Variants in WNK1 observed in about 807,000 individuals in gnomAD.
The protein encoded by WNK1 is serine/threonine-protein kinase WNK1.
Under a neutral mutation model 222.8 loss-of-function variants are expected in WNK1, and 38 were observed. The ratio of observed to expected loss-of-function variants is 0.17; its 90% CI spans 0.13 to 0.22. The LOEUF is 0.22. Ranked by LOEUF, WNK1 falls within the 10% of genes least tolerant of loss-of-function variation. The pLI is 1.00. For missense variants in WNK1, 2,348 were observed against 2,918.4 expected (o/e 0.80, Z 4.50); for synonymous variants, 1,090 against 1,092.9 (o/e 1.00, Z 0.05).
Position 814,820 on chromosome 12 carries a change from T to G in WNK1, c.932+1006T>G, listed in dbSNP as rs182050275. Among the ~76,000 whole-genome samples, 15 of 152,288 alleles carry G rather than the reference T, an allele frequency of 9.8e-5. 1 individual carries two copies. The highest frequency in any genetic ancestry group is 3.1e-4 in the African/African-American group (13 of 41,550). On this transcript the variant is annotated intron_variant, in intron 2 of 27. Coordinates refer to ENST00000315939, the MANE Select transcript of WNK1 (RefSeq NM_018979.4). ...CACTCTATTTCTATTATTATTACAT[T>G]AAAATATATAATGAAATAGTTATAC...
At chr12:817,237 TGAGGCAGAG>T (rs752499699) in intron 2 of WNK1, among the ~76,000 whole-genome samples, 1 of 152,168 alleles carries the variant, frequency 6.6e-6, no homozygotes, top group Non-Finnish European at 1.5e-5. Flanking sequence ...CTCTGGAGGC[TGAGGCAGAG>T]AATCACTTGA....
At chr12:831,537 C>CA (rs765971109) in intron 4 of WNK1, among the ~76,000 whole-genome samples, 1,232 of 108,890 alleles carry the variant, frequency 0.011, 7 homozygotes, top group African/African-American at 0.017. Flanking sequence ...GACTCTGTCT[C>CA]AAAAAAAAAA....
Position 889,142 on chromosome 12 carries a change from C to G in WNK1, c.5367C>G (p.Ser1789=). The G allele has an allele frequency of 6.2e-7, 1 of 1,613,884 alleles. No homozygotes were observed. The highest frequency in any genetic ancestry group is 8.5e-7 in the Non-Finnish European group (1 of 1,179,888). ...TTACTGTGATTGTTTTCATTCAGTC[C>G]CAGCAACCTCTAGAGGATCTTGATG... ...PPFPGPSLTQ[S]QQPLEDLDAQ... Residue 1789 remains serine, a splice_region_variant and synonymous_variant, in exon 21 of 28, where the codon TCC becomes TCG. Transcript: ENST00000315939.
At chr12:795,296 G>GTTTTTTTTTTTTTTTTTTTTT in intron 1 of WNK1, among the ~76,000 whole-genome samples, 1 of 133,022 alleles carries the variant, frequency 7.5e-6, no homozygotes, top group Non-Finnish European at 1.6e-5. Flanking sequence ...ATTTTCCGTT[G>GTTTTTTTTTTTTTTTTTTTTT]TTTTTTTTTT....
chr12:901,008 A>C, intron 26 of WNK1: 2 of 382,156 alleles, frequency 5.2e-6, no homozygotes. Context: ...CAGTTTCTGA[A>C]GCTAATACAT....
At chr12:905,092 TG>T (rs778715259) in intron 26 of WNK1, among the ~76,000 whole-genome samples, 9 of 152,118 alleles carry the variant, frequency 5.9e-5, no homozygotes, top group Non-Finnish European at 1.0e-4. Context: ...ATAGGGGAAA[TG>T]TATTATAATG....
intron 4 of WNK1, among the ~76,000 whole-genome samples, chr12:833,141 A>G (rs371926878): frequency 2.0e-5 from 3 of 151,862 alleles, no homozygotes; most frequent in African/African-American, 7.3e-5. Context: ...TGCTTCCACT[A>G]CTTCCAGTTT....
intron 19 of WNK1, among the ~76,000 whole-genome samples, chr12:886,784 T>C (rs1953703263): frequency 6.6e-6 from 1 of 152,216 alleles, no homozygotes; most frequent in African/African-American, 2.4e-5. Context: ...ATAATAGTAT[T>C]AGATTTCTGA....
rs760095649 is a variant in WNK1 at position 907,920 on chromosome 12, G to A, written c.6717G>A (p.Thr2239=). The A allele has an allele frequency of 8.1e-6, 13 of 1,614,186 alleles. No homozygotes were observed. Among genetic ancestry groups the A allele is most frequent in the Admixed American group, 3.3e-5 (2 of 60,022 alleles). The change falls in exon 27 of 28, where the codon ACG becomes ACA. Residue 2239 remains threonine, a synonymous_variant. Coordinates refer to ENST00000315939, the MANE Select transcript of WNK1 (RefSeq NM_018979.4). ...QAAQAQPPAM[T]SSRKGTFTDD... ...CCCAAGCTCAGCCTCCTGCCATGAC[G>A]TCCAGCAGGAAGGGCACATTCACAG...
chr12:894,407 A>G (rs1954560770), intron 22 of WNK1, among the ~76,000 whole-genome samples, 155 bp from the exon 23 acceptor site: 1 of 152,204 alleles, frequency 6.6e-6, no homozygotes, highest in African/African-American at 2.4e-5. Flanking sequence ...CCCCTGTTGG[A>G]CAGAGCCTCA....
At chr12:842,923 TTTTATTTA>T (rs552343199) in intron 4 of WNK1, among the ~76,000 whole-genome samples, 3 of 151,740 alleles carry the variant, frequency 2.0e-5, no homozygotes, top group Non-Finnish European at 2.9e-5. Flanking sequence ...ACTCAAGTGA[TTTTATTTA>T]TTTATTTATT....
At chr12:794,517 T>A (rs1045246304) in intron 1 of WNK1, among the ~76,000 whole-genome samples, 1 of 152,002 alleles carries the variant, frequency 6.6e-6, no homozygotes, top group Non-Finnish European at 1.5e-5. Flanking sequence ...TTTTTTTTTT[T>A]AAATGAAAGG....
chr12:837,696 G>A (rs911282992), intron 4 of WNK1, among the ~76,000 whole-genome samples: 4 of 151,956 alleles, frequency 2.6e-5, no homozygotes, highest in Non-Finnish European at 5.9e-5. Context: ...TTGTCTACCT[G>A]TTAAGTTAGG....
At chr12:845,311 G>A (rs757613756) in intron 4 of WNK1, among the ~76,000 whole-genome samples, 4 of 152,142 alleles carry the variant, frequency 2.6e-5, no homozygotes, top group Admixed American at 2.0e-4. Context: ...AGAAACATGC[G>A]TGGTTATCCA....
At chr12:847,801 C>T (rs115365616) in intron 4 of WNK1, among the ~76,000 whole-genome samples, 228 of 68,692 alleles carry the variant, frequency 3.3e-3, no homozygotes, top group Admixed American at 3.9e-3. Flanking sequence ...GATTAATTCT[C>T]TTTTTTTTTT....
chr12:881,789 G>C lies in WNK1; in HGVS notation c.3209G>C (p.Ser1070Thr), dbSNP rs760251215. The C allele has an allele frequency of 3.1e-6, 5 of 1,614,036 alleles. No individual in the cohort carries two copies. The African/African-American group carries it at 6.7e-5, about 22-fold the overall frequency. Residue 1070 changes from serine (S) to threonine (T), a missense_variant and splice_region_variant, in exon 13 of 28, where the codon AGT (serine) becomes ACT (threonine). Transcript: ENST00000315939. Reference protein sequence around the residue: ...QPTTLASSVDSAHSDVASGMS... With the variant: ...QPTTLASSVDTAHSDVASGMS... ...ACCACTTTGGCTTCCTCTGTAGACA[G>C]GTACGTAAAACTAGAATTCTCCTTC...
intron 1 of WNK1, among the ~76,000 whole-genome samples, chr12:762,141 C>T (rs1179361119): frequency 6.9e-6 from 1 of 145,432 alleles, no homozygotes; most frequent in Non-Finnish European, 1.5e-5. Flanking sequence ...CTCACTGCTA[C>T]CTCTGCCTCC....
At chr12:812,946 GA>G (rs555976928) in intron 1 of WNK1, among the ~76,000 whole-genome samples, 4 of 149,922 alleles carry the variant, frequency 2.7e-5, no homozygotes, top group Middle Eastern at 6.9e-3. Context: ...TTGCTTAAAA[GA>G]AAAAAAAAAT....
At chr12:803,765 A>T (rs905043223) in intron 1 of WNK1, among the ~76,000 whole-genome samples, 3 of 152,172 alleles carry the variant, frequency 2.0e-5, no homozygotes, top group African/African-American at 7.2e-5. Context: ...AAAAAGAAAT[A>T]TGGCAAAACA....
Sources: allele counts gnomAD v4.1 joint callset (sites outside exome capture counted in the v4.1 genomes callset), GRCh38; gene constraint gnomAD v4.1.1; transcripts MANE v1.5; gene names NCBI Gene and HGNC (gene_info 2026-07-23, HGNC 2026-07-21).